ARHGAP18: variants seen among roughly 807,000 people sequenced by gnomAD.
ARHGAP18 encodes the protein rho GTPase-activating protein 18.
ARHGAP18 carries 67 observed loss-of-function variants against 86.2 expected under a neutral mutation model. The observed-to-expected ratio is 0.78, with a 90% CI of 0.64 to 0.95. The LOEUF is 0.95. ARHGAP18 is among the 40% of genes least tolerant of loss of function. The pLI, the probability that ARHGAP18 is intolerant of heterozygous loss-of-function variation, is 0.00. For synonymous variants in ARHGAP18, 283 were observed against 280.4 expected (o/e 1.01, Z -0.09); for missense variants, 691 against 780.4 (o/e 0.89, Z 1.37).
At chr6:129,621,606 C>G (rs1584055129) in intron 5 of ARHGAP18, among the ~76,000 whole-genome samples, 1 of 152,288 alleles carries the variant, frequency 6.6e-6, no homozygotes, top group East Asian at 1.9e-4. Context: ...ATGAGAACAA[C>G]TGAACCTAAC....
At chr6:129,585,947 C>T (rs937170933) in intron 12 of ARHGAP18, among the ~76,000 whole-genome samples, 1 of 152,192 alleles carries the variant, frequency 6.6e-6, no homozygotes, top group Non-Finnish European at 1.5e-5. Context: ...CAGTCTATGA[C>T]CTTGACCTCA....
In ARHGAP18 at chr6:129,620,574, T is replaced by TTTAC. The variant is rs756395477; in HGVS notation, c.787-1726_787-1723dup. Among the ~76,000 whole-genome samples, 5 of 152,366 alleles carry TTTAC rather than the reference T, an allele frequency of 3.3e-5. No homozygotes were observed. In the East Asian group the frequency reaches 7.7e-4, roughly 23 times the overall value. ...TAATACAAATTACAATTCCATTGTG[T>TTTAC]TTACCTATTACTAAAACTGATCATT... is the stretch of plus-strand genomic sequence containing the variant. On this transcript the variant is annotated intron_variant, in intron 5 of 14. Coordinates refer to ENST00000368149, the MANE Select transcript of ARHGAP18 (RefSeq NM_033515.3).
chr6:129,618,141 A>T (rs943631917), intron 6 of ARHGAP18, among the ~76,000 whole-genome samples: 2 of 152,000 alleles, frequency 1.3e-5, no homozygotes, highest in Non-Finnish European at 2.9e-5. Flanking sequence ...CCATATTTCC[A>T]TGATGAGTAC....
intron 1 of ARHGAP18, among the ~76,000 whole-genome samples, chr6:129,650,177 G>T (rs1288836549): frequency 6.6e-6 from 1 of 151,594 alleles, no homozygotes; most frequent in Non-Finnish European, 1.5e-5. Context: ...GCCCACCTAG[G>T]CCTCCCAAAG....
intron 5 of ARHGAP18, among the ~76,000 whole-genome samples, chr6:129,621,023 T>A (rs1242710901): frequency 6.6e-6 from 1 of 152,218 alleles, no homozygotes; most frequent in African/African-American, 2.4e-5. Context: ...TTAATTTTCT[T>A]TAGAAAATAT....
rs191666205 is a variant in ARHGAP18, at chr6:129,612,998, G to C, written c.1045-1388C>G. Among the ~76,000 whole-genome samples the C allele has an allele frequency of 2.9e-4, 44 of 152,058 alleles. 1 individual carries two copies. Among genetic ancestry groups the C allele is most frequent in the Admixed American group, 1.8e-3 (28 of 15,284 alleles). ...CCTGTAATCCCAGCACTTTGGGAGG[G>C]CGAGGCGGGCGGATCACAAGGTCAG... On this transcript the variant is annotated intron_variant, in intron 7 of 14. Coordinates refer to ENST00000368149, the MANE Select transcript of ARHGAP18 (RefSeq NM_033515.3).
rs1773281442 is a variant in ARHGAP18, at chr6:129,634,165, T to C, written c.553-60A>G. ...AACTCAAAACCAGAGAAAATGGTAC[T>C]GTAAATAATTTTGTTATTAATCTTT... On this transcript the variant is annotated intron_variant, in intron 3 of 14. Transcript: ENST00000368149. 7 of 1,459,214 alleles carry C rather than the reference T, an allele frequency of 4.8e-6. No individual in the cohort carries two copies. The South Asian group carries it at 5.9e-5, about 12-fold the overall frequency. 90.4% of individuals were successfully genotyped at this position (1,459,214 alleles called of 1,614,324 possible). A position where few individuals can be genotyped will look rare whatever the true frequency, so the allele number is the denominator to read the frequency against.
chr6:129,651,379 CAG>C (rs946111774), intron 1 of ARHGAP18, among the ~76,000 whole-genome samples: 75 of 152,218 alleles, frequency 4.9e-4, no homozygotes, highest in African/African-American at 1.8e-3. Flanking sequence ...AGTTTCGGCT[CAG>C]AGTTTTTTTA....
chr6:129,588,912 C>T (rs1345817786), intron 12 of ARHGAP18, among the ~76,000 whole-genome samples: 1 of 152,242 alleles, frequency 6.6e-6, no homozygotes, highest in African/African-American at 2.4e-5. Context: ...GGTTTGCACC[C>T]TCTGAAGTAA....
chr6:129,673,776 T>G (rs1436471003), intron 1 of ARHGAP18, among the ~76,000 whole-genome samples: 1 of 152,242 alleles, frequency 6.6e-6, no homozygotes, highest in Non-Finnish European at 1.5e-5. Flanking sequence ...TCACCAACTT[T>G]GAAAATCTGA....
rs147773579 is a variant in ARHGAP18 at position 129,638,130 on chromosome 6, C to G, written c.552+264G>C. Among the ~76,000 whole-genome samples, 515 of 152,254 alleles carry G rather than the reference C, an allele frequency of 3.4e-3. 3 individuals carry two copies. The highest frequency in any genetic ancestry group is 0.012 in the African/African-American group (480 of 41,532). On this transcript the variant is annotated intron_variant, in intron 3 of 14. Transcript: ENST00000368149. ...CTGTCACCCCTAGTGGAGTTAAAGT[C>G]ACTTGTAATGCTCCAAGGACACCCT...
At chr6:129,607,672 G>A (rs1361411094) in intron 9 of ARHGAP18, among the ~76,000 whole-genome samples, 1 of 152,088 alleles carries the variant, frequency 6.6e-6, no homozygotes, top group African/African-American at 2.4e-5. Context: ...CAATTAATCT[G>A]TACCCAAAGA....
intron 1 of ARHGAP18, among the ~76,000 whole-genome samples, chr6:129,666,186 C>CTCACA (rs1225690148): frequency 1.3e-5 from 2 of 152,104 alleles, no homozygotes; most frequent in Non-Finnish European, 2.9e-5. Flanking sequence ...GATGATGATG[C>CTCACA]TCACACCAGC....
At chr6:129,625,292 GAT>G (rs1398368951) in intron 5 of ARHGAP18, among the ~76,000 whole-genome samples, 2 of 70,666 alleles carry the variant, frequency 2.8e-5, no homozygotes, top group South Asian at 5.0e-4. Context: ...TAATATATAT[GAT>G]ATATGATATA....
intron 1 of ARHGAP18, among the ~76,000 whole-genome samples, chr6:129,676,280 T>C (rs1372052724): frequency 6.6e-6 from 1 of 152,222 alleles, no homozygotes; most frequent in Admixed American, 6.5e-5. Context: ...AGGACTGTTA[T>C]TTCTGCTTTC....
intron 8 of ARHGAP18, among the ~76,000 whole-genome samples, chr6:129,610,549 G>C (rs186200442): frequency 1.3e-5 from 2 of 152,344 alleles, no homozygotes; most frequent in African/African-American, 4.8e-5. Flanking sequence ...AGAGTGTCTC[G>C]TCTGGCCGGC....
intron 1 of ARHGAP18, among the ~76,000 whole-genome samples, chr6:129,704,448 A>C (rs905204606): frequency 6.6e-6 from 1 of 152,062 alleles, no homozygotes. Context: ...CAGTATCTGA[A>C]AACAAAAAAC....
At chr6:129,600,066 T>G (rs776066270) in intron 11 of ARHGAP18, among the ~76,000 whole-genome samples, 3 of 152,168 alleles carry the variant, frequency 2.0e-5, no homozygotes, top group Non-Finnish European at 4.4e-5. Flanking sequence ...AATTAATGTT[T>G]GGAAGCTCCT....
At chr6:129,678,725 G>T (rs1167345273) in intron 1 of ARHGAP18, among the ~76,000 whole-genome samples, 3 of 152,110 alleles carry the variant, frequency 2.0e-5, no homozygotes, top group African/African-American at 4.8e-5. Flanking sequence ...TCTGAGCTTT[G>T]TAGTATTAAA....
Sources: allele counts gnomAD v4.1 joint callset (sites outside exome capture counted in the v4.1 genomes callset), GRCh38; gene constraint gnomAD v4.1.1; transcripts MANE v1.5; gene names NCBI Gene and HGNC (gene_info 2026-07-23, HGNC 2026-07-21).